Variants in PML observed in about 807,000 individuals in gnomAD.
The protein encoded by PML is protein PML.
A neutral mutation model predicts 65.2 loss-of-function variants in PML; 28 were observed. That is an observed-to-expected ratio of 0.43 (90% confidence interval 0.32 to 0.59). The LOEUF (loss-of-function observed/expected upper bound fraction) is 0.59. Ranked by LOEUF, PML falls within the 20% of genes least tolerant of loss-of-function variation. PML has a pLI of 0.08. For synonymous variants in PML, 500 were observed against 508.8 expected (o/e 0.98, Z 0.23); for missense variants, 1,021 against 1,203.4 (o/e 0.85, Z 2.24).
rs1284482030 is a variant in PML at position 74,047,794 on chromosome 15, A to G, written c.*2786A>G. 5.6e-6 allele frequency: 1 copy of G among 179,392 alleles called. No homozygotes were observed. The highest frequency in any genetic ancestry group is 1.2e-5 in the Non-Finnish European group (1 of 83,722). 11.1% of individuals were successfully genotyped at this position (179,392 alleles called of 1,614,324 possible). ...GTGCTTTATGAATTATAGGAAAATAAACACATTTTAGATCTTAGAAAAAAA... is the reference window on the plus strand; with the variant it reads ...GTGCTTTATGAATTATAGGAAAATAGACACATTTTAGATCTTAGAAAAAAA... On this transcript the variant is annotated 3_prime_UTR_variant, in exon 9 of 9. Transcript: ENST00000268058.
chr15:74,009,570 TCTC>T (rs1009722533), intron 2 of PML, among the ~76,000 whole-genome samples: 14 of 152,214 alleles, frequency 9.2e-5, no homozygotes, highest in Admixed American at 3.3e-4. Context: ...TTCCTCCTGG[TCTC>T]CTTTGATGTT....
intron 2 of PML, among the ~76,000 whole-genome samples, chr15:73,999,068 G>C (rs1031794944): frequency 6.6e-6 from 1 of 152,176 alleles, no homozygotes; most frequent in Non-Finnish European, 1.5e-5. Flanking sequence ...AACAAAATTT[G>C]TAAAGAGGAG....
In PML at chr15:74,046,423, G is replaced by T. The variant is rs1424585615; in HGVS notation, c.*1415G>T. The T allele has an allele frequency of 2.6e-5, 6 of 232,910 alleles. No individual in the cohort carries two copies. Among genetic ancestry groups the T allele is most frequent in the Non-Finnish European group, 5.1e-5 (6 of 117,910 alleles). The allele number at this position is 232,910 out of a possible 1,614,324, so 14.4% of individuals were successfully genotyped here. On this transcript the variant is annotated 3_prime_UTR_variant, in exon 9 of 9. Coordinates refer to ENST00000268058, the MANE Select transcript of PML (RefSeq NM_033238.3). ...CAGGCCTCTAGCCTCCATGGCTGAT[G>T]ACCTCAGCTTTCACACTGGTGAAGT...
In PML at chr15:74,016,370, C is replaced by T. The variant is rs145900118; in HGVS notation, c.603-6458C>T. On this transcript the variant is annotated intron_variant, in intron 2 of 8. Coordinates refer to ENST00000268058, the MANE Select transcript of PML (RefSeq NM_033238.3). ...ATCACATGAGCCCAAGAATTCAAGTCCAGCCTGGGCAACATAGCAAGACCC... is the reference window on the plus strand; with the variant it reads ...ATCACATGAGCCCAAGAATTCAAGTTCAGCCTGGGCAACATAGCAAGACCC... Among the ~76,000 whole-genome samples, 144 of 152,158 alleles carry T rather than the reference C, an allele frequency of 9.5e-4. 1 individual carries two copies. Among genetic ancestry groups the T allele is most frequent in the Middle Eastern group, 6.8e-3 (2 of 294 alleles).
chr15:74,029,361 C>T (rs985508964), intron 4 of PML, among the ~76,000 whole-genome samples: 5 of 152,142 alleles, frequency 3.3e-5, no homozygotes, highest in African/African-American at 7.2e-5. Flanking sequence ...CAGTGGCTCA[C>T]GCCTGTAATC....
chr15:74,015,969 T>C (rs2070553995), intron 2 of PML, among the ~76,000 whole-genome samples: 1 of 152,168 alleles, frequency 6.6e-6, no homozygotes, highest in African/African-American at 2.4e-5. Context: ...AGGAAACACG[T>C]TGAGGCTTCT....
chr15:73,999,271 A>T (rs1319356659), intron 2 of PML, among the ~76,000 whole-genome samples: 2 of 152,244 alleles, frequency 1.3e-5, no homozygotes, highest in African/African-American at 4.8e-5. Context: ...TAGCATAACT[A>T]TGTGAACTTT....
intron 2 of PML, among the ~76,000 whole-genome samples, chr15:74,011,380 AG>A (rs893443928): frequency 9.9e-5 from 15 of 152,212 alleles, no homozygotes; most frequent in African/African-American, 3.6e-4. Context: ...GGCTACCTAA[AG>A]GCAAAGTCCA....
intron 2 of PML, among the ~76,000 whole-genome samples, chr15:74,013,521 GA>G (rs1425881154): frequency 6.6e-6 from 1 of 152,078 alleles, no homozygotes; most frequent in Non-Finnish European, 1.5e-5. Context: ...TTTACTCTTT[GA>G]ATTTTGAATT....
chr15:74,034,930 C>G (rs2141878337), intron 7 of PML: 1 of 1,445,652 alleles, frequency 6.9e-7, no homozygotes, highest in East Asian at 2.5e-5. Flanking sequence ...GGCCACAGGG[C>G]AGCTATATAG....
chr15:74,004,079 T>G (rs990873674), intron 2 of PML, among the ~76,000 whole-genome samples: 3 of 152,140 alleles, frequency 2.0e-5, no homozygotes, highest in Non-Finnish European at 4.4e-5. Context: ...GAGTAATCTG[T>G]TTTTGTTTGT....
chr15:73,996,560 G>A (rs897403397), intron 1 of PML, among the ~76,000 whole-genome samples: 5 of 152,194 alleles, frequency 3.3e-5, no homozygotes, highest in African/African-American at 1.2e-4. Context: ...AATAAAAGTT[G>A]TCTGGAGCAG....
chr15:74,032,696 A>G lies in PML; in HGVS notation c.1379A>G (p.Lys460Arg). The change falls in exon 5 of 9, where the codon AAA becomes AGA. Residue 460 changes from lysine (K) to arginine (R), a missense_variant. Coordinates refer to ENST00000268058, the MANE Select transcript of PML (RefSeq NM_033238.3). The part of the protein sequence containing the change: ...HPVPVYAFSI[K>R]GPSYGEDVSN... ...GTGCCAGTGTACGCCTTCTCCATCA[A>G]AGGCCCTTCCTATGGAGAGGTAAGG... is the stretch of plus-strand genomic sequence containing the variant. 1 of 1,614,178 alleles carries G rather than the reference A, an allele frequency of 6.2e-7. No homozygotes were observed. The highest frequency in any genetic ancestry group is 1.1e-5 in the South Asian group (1 of 91,080).
intron 2 of PML, among the ~76,000 whole-genome samples, chr15:74,001,727 A>G (rs1377882679): frequency 1.3e-5 from 2 of 152,208 alleles, no homozygotes; most frequent in Non-Finnish European, 2.9e-5. Flanking sequence ...GTGTTCTCAT[A>G]GTCAATCATT....
chr15:74,041,556 C>G (rs770806034), intron 7 of PML: 2 of 152,272 alleles, frequency 1.3e-5, no homozygotes, highest in Non-Finnish European at 2.9e-5. Flanking sequence ...AAAGCCAGCT[C>G]TAGATGGATT....
chr15:74,042,290 C>A lies in PML; in HGVS notation c.1711-699C>A. On this transcript the variant is annotated intron_variant, in intron 7 of 8. Transcript: ENST00000268058. This position sits in a 1 kb window ranked among gnomAD's most constrained non-coding sequence, Gnocchi z 5.3. ...GGGCAGATGCCAAGAGCCTCCACTG[C>A]TCTCTCACTGCCAAGGACCTGGGTG... 1.1e-6 allele frequency: 1 copy of A among 895,132 alleles called. No homozygotes were observed. The highest frequency in any genetic ancestry group is 1.3e-6 in the Non-Finnish European group (1 of 747,572). The allele number at this position is 895,132 out of a possible 1,614,324, so 55.4% of individuals were successfully genotyped here. A position where few individuals can be genotyped will look rare whatever the true frequency, so the allele number is the denominator to read the frequency against.
In PML at chr15:74,022,838, C is replaced by A. The variant is rs762878228; in HGVS notation, c.613C>A (p.Arg205=). The A allele has an allele frequency of 2.5e-6, 4 of 1,613,688 alleles. No individual in the cohort carries two copies. The African/African-American group carries it at 4.0e-5, about 16-fold the overall frequency. The part of the protein sequence containing the change: ...RTPTLTSIYC[R]GCSKPLCCSC... The stretch of plus-strand genomic sequence containing the variant: ...CTTGTGTGTCCACAGCATCTACTGC[C>A]GAGGATGTTCCAAGCCGCTGTGCTG... Residue 205 remains arginine, a synonymous_variant, in exon 3 of 9, where the codon CGA becomes AGA. Transcript: ENST00000268058.
intron 4 of PML, 25 bp downstream of exon 4, chr15:74,024,952 GGGT>G: frequency 3.2e-6 from 5 of 1,540,258 alleles, no homozygotes; most frequent in Non-Finnish European, 4.5e-6. Flanking sequence ...AGGTCTGAAG[GGGT>G]GGTGGTGGGG....
In PML at chr15:74,034,530, G is replaced by A. The variant is rs1228135120; in HGVS notation, c.1710G>A (p.Ser570=). 3.1e-6 allele frequency: 5 copies of A among 1,614,006 alleles called. No homozygotes were observed. Among genetic ancestry groups the A allele is most frequent in the African/African-American group, 1.3e-5 (1 of 74,886 alleles). Residue 570 remains serine (S), a splice_region_variant and synonymous_variant, in exon 7 of 9, where the codon TCG becomes TCA. Coordinates refer to ENST00000268058, the MANE Select transcript of PML (RefSeq NM_033238.3). ...CGGAAGACTCAGATGCCGAAAACTCGGTGAGTGGCCCAGAAGTTCAGCCCA... is the reference window on the plus strand; with the variant it reads ...CGGAAGACTCAGATGCCGAAAACTCAGTGAGTGGCCCAGAAGTTCAGCCCA... ...SSSEDSDAEN[S]SSRELDDSSS...
Sources: allele counts gnomAD v4.1 joint callset (sites outside exome capture counted in the v4.1 genomes callset), GRCh38; gene constraint gnomAD v4.1.1; non-coding constraint Gnocchi (gnomAD v3.1); transcripts MANE v1.5; gene names NCBI Gene and HGNC (gene_info 2026-07-23, HGNC 2026-07-21).